The following AMZ1 variants were observed in gnomAD, a reference collection of about 807,000 sequenced individuals.
AMZ1 encodes archaemetzincin-1.
AMZ1 carries 39 observed loss-of-function variants against 29.9 expected under a neutral mutation model. The observed-to-expected ratio is 1.30, with a 90% confidence interval of 1.01 to 1.70. The LOEUF (loss-of-function observed/expected upper bound fraction) is 1.70, where lower values mean the gene tolerates loss of function less well. AMZ1 is among the 40% of genes most tolerant of loss of function. The pLI is 0.00. For synonymous variants in AMZ1, 458 were observed against 304.0 expected, an observed-to-expected ratio of 1.51 and a Z score of -5.27; for missense variants, 1,041 against 680.6, an observed-to-expected ratio of 1.53 and a Z score of -5.89.
intron 4 of AMZ1, among the ~76,000 whole-genome samples, chr7:2,753,966 A>T (rs552408048): frequency 6.6e-6 from 1 of 152,240 alleles, no homozygotes; most frequent in African/African-American, 2.4e-5. Context: ...GGCGCATCTT[A>T]GGTGCTTTGT....
chr7:2,680,022 G>T (rs1223420828), intron 1 of AMZ1, among the ~76,000 whole-genome samples: 3 of 152,332 alleles, frequency 2.0e-5, no homozygotes, highest in African/African-American at 7.2e-5. Context: ...GCTGGCGGTA[G>T]TGAGACGTGG....
Position 2,715,073 on chromosome 7 carries a change from C to T in AMZ1, c.*2195C>T, listed in dbSNP as rs565393758. The stretch of plus-strand genomic sequence containing the variant: ...AAAGAGGGTCACTTTCAGAAAGGGA[C>T]CTGGGCTTCCTCACAATATGGCGGT... On this transcript the variant is annotated 3_prime_UTR_variant, in exon 7 of 7. Coordinates refer to ENST00000683327, the MANE Select transcript of AMZ1 (RefSeq NM_001384743.1). The T allele has an allele frequency of 5.6e-4, 85 of 152,334 alleles. No homozygotes were observed. Among genetic ancestry groups the T allele is most frequent in the African/African-American group, 2.0e-3 (84 of 41,554 alleles). 9.4% of individuals were successfully genotyped at this position (152,334 alleles called of 1,614,324 possible). A position where few individuals can be genotyped will look rare whatever the true frequency, so the allele number is the denominator to read the frequency against.
rs1413363256 is a variant in AMZ1, at chr7:2,719,186, C to CCGACAGAA, written c.*6311_*6318dup. On this transcript the variant is annotated 3_prime_UTR_variant, in exon 7 of 7. Coordinates refer to ENST00000683327, the MANE Select transcript of AMZ1 (RefSeq NM_001384743.1). ...TTTGTCGGCTGCCAACCCAACTCCT[C>CCGACAGAA]CGACAGAACGGCAGGTGGCCCCTGT... Among the ~76,000 whole-genome samples, 1 of 152,150 alleles carries CCGACAGAA rather than the reference C, an allele frequency of 6.6e-6. No homozygotes were observed. The highest frequency in any genetic ancestry group is 1.5e-5 in the Non-Finnish European group (1 of 68,020).
chr7:2,702,928 G>T, intron 3 of AMZ1, 39 bp downstream of exon 3: 2 of 1,539,616 alleles, frequency 1.3e-6, no homozygotes, highest in East Asian at 4.8e-5. Flanking sequence ...GCCAAGGCAG[G>T]CCCCTTCTGG....
At chr7:2,761,518 A>G (rs1791554764), upstream of AMZ1, among the ~76,000 whole-genome samples, 2 of 152,224 alleles carry the variant, frequency 1.3e-5, no homozygotes, top group Admixed American at 1.3e-4. Context: ...AGGATGACTA[A>G]AAAGAGCTGG....
chr7:2,688,401 C>T (rs934150331), intron 1 of AMZ1, 105 bp downstream of exon 1: 39 of 151,994 alleles, frequency 2.6e-4, no homozygotes, highest in African/African-American at 9.2e-4. Context: ...GGCCCGCGCA[C>T]CAAGTCCCGA....
chr7:2,688,887 A>G (rs919896287), intron 1 of AMZ1, among the ~76,000 whole-genome samples: 2 of 152,264 alleles, frequency 1.3e-5, no homozygotes, highest in African/African-American at 4.8e-5. Context: ...GAGGGGTGAC[A>G]GAGAAATGGC....
intron 4 of AMZ1, among the ~76,000 whole-genome samples, chr7:2,757,158 C>T (rs1383909282): frequency 5.1e-5 from 5 of 98,458 alleles, no homozygotes; most frequent in East Asian, 3.1e-4. Flanking sequence ...TTTTTTGAGA[C>T]GGAGTCTTGC....
chr7:2,701,559 G>T (rs1168780720), intron 2 of AMZ1, among the ~76,000 whole-genome samples: 1 of 152,210 alleles, frequency 6.6e-6, no homozygotes, highest in African/African-American at 2.4e-5. Context: ...GAAGGGAACG[G>T]CCCAGGCAGG....
intron 4 of AMZ1, among the ~76,000 whole-genome samples, chr7:2,755,192 G>A (rs914947567): frequency 1.3e-5 from 2 of 152,204 alleles, no homozygotes; most frequent in Non-Finnish European, 2.9e-5. Flanking sequence ...CTTGGAATCA[G>A]GGAGAGTGGC....
chr7:2,722,495 T>C (rs1269559494), downstream of AMZ1, among the ~76,000 whole-genome samples: 3 of 152,132 alleles, frequency 2.0e-5, no homozygotes, highest in Non-Finnish European at 4.4e-5. Context: ...ATGGTGTCGA[T>C]CTCCTGACCT....
Position 2,713,507 on chromosome 7 carries a change from G to A in AMZ1, c.*629G>A, listed in dbSNP as rs564025898. On this transcript the variant is annotated 3_prime_UTR_variant, in exon 7 of 7. Transcript: ENST00000683327. Reference sequence around the variant, plus strand: ...TCAGTTATTTATAGCTGGAGCTGGAGAGGCTGGCTCAGATGAGGAGTGACC... The same window carrying A: ...TCAGTTATTTATAGCTGGAGCTGGAAAGGCTGGCTCAGATGAGGAGTGACC... The A allele has an allele frequency of 6.5e-6, 1 of 152,692 alleles. No individual in the cohort carries two copies. Among genetic ancestry groups the A allele is most frequent in the African/African-American group, 2.4e-5 (1 of 41,590 alleles). 9.5% of individuals were successfully genotyped at this position (152,692 alleles called of 1,614,324 possible).
At chr7:2,708,473 T>A in intron 3 of AMZ1, 115 bp from the exon 4 acceptor site, 1 of 1,496,286 alleles carries the variant, frequency 6.7e-7, no homozygotes, top group Admixed American at 2.0e-5. Context: ...CACACCTGAC[T>A]TGGGAAGGGG....
rs7788812 is a variant in AMZ1, at chr7:2,702,703, G to C, written c.305-19G>C. 1.8e-3 allele frequency: 2,786 copies of C among 1,514,436 alleles called. 35 individuals are homozygous for C. The African/African-American group carries it at 0.032, about 17-fold the overall frequency. 93.8% of individuals were successfully genotyped at this position (1,514,436 alleles called of 1,614,324 possible). On this transcript the variant is annotated intron_variant, in intron 2 of 6. Coordinates refer to ENST00000683327, the MANE Select transcript of AMZ1 (RefSeq NM_001384743.1). ...CGGGCAGGGGCGTCGCAGGGCTGAC[G>C]GTGCTGCTCTCCCACCAGACCTGAG...
chr7:2,724,981 T>G (rs1789561415), intron 4 of AMZ1, among the ~76,000 whole-genome samples: 1 of 139,772 alleles, frequency 7.2e-6, no homozygotes, highest in South Asian at 2.2e-4. Context: ...AGCACTGTGG[T>G]CTATTTCTGA....
At chr7:2,735,816 G>A (rs1023922083) in intron 4 of AMZ1, among the ~76,000 whole-genome samples, 4 of 152,180 alleles carry the variant, frequency 2.6e-5, no homozygotes, top group South Asian at 4.1e-4. Flanking sequence ...AAACAGCCCA[G>A]GGGGTCCGTG....
chr7:2,723,192 C>A (rs1789492967), downstream of AMZ1, among the ~76,000 whole-genome samples: 1 of 152,132 alleles, frequency 6.6e-6, no homozygotes, highest in Admixed American at 6.5e-5. Context: ...AGTGTACAGC[C>A]CACGGTGCCT....
upstream of AMZ1, among the ~76,000 whole-genome samples, chr7:2,687,907 G>T (rs1787146577): frequency 6.6e-6 from 1 of 152,250 alleles, no homozygotes; most frequent in Admixed American, 6.5e-5. Flanking sequence ...CTCTTCACCT[G>T]GCGCCTTGCA....
chr7:2,690,414 T>G (rs1267292510), intron 1 of AMZ1, among the ~76,000 whole-genome samples: 1 of 152,152 alleles, frequency 6.6e-6, no homozygotes, highest in Non-Finnish European at 1.5e-5. Flanking sequence ...GAGACGGGGT[T>G]TTGCCATATT....
Sources: gnomAD v4.1 joint callset for allele counts (sites outside exome capture counted in the v4.1 genomes callset) on GRCh38, gnomAD v4.1.1 for gene constraint, MANE v1.5 for transcripts, NCBI Gene and HGNC (gene_info 2026-07-23, HGNC 2026-07-21) for gene names.